Variants in FNDC3B observed in about 807,000 individuals in gnomAD.
FNDC3B encodes the protein fibronectin type III domain-containing protein 3B.
A neutral mutation model predicts 151.5 loss-of-function variants in FNDC3B; 12 were observed. The ratio of observed to expected loss-of-function variants is 0.08; its 90% CI spans 0.05 to 0.13. The LOEUF is 0.13. Ranked by LOEUF, FNDC3B falls within the 10% of genes least tolerant of loss-of-function variation. The pLI is 1.00. For missense variants in FNDC3B, 1,214 were observed against 1,505.3 expected, an observed-to-expected ratio of 0.81 and a Z score of 3.20; for synonymous variants, 528 against 549.0, an observed-to-expected ratio of 0.96 and a Z score of 0.54.
At chr3:172,315,283 A>G (rs551794673) in intron 11 of FNDC3B, among the ~76,000 whole-genome samples, 1 of 152,312 alleles carries the variant, frequency 6.6e-6, no homozygotes, top group African/African-American at 2.4e-5. Flanking sequence ...AGGCTGAGGC[A>G]GGAGAATTGC....
intron 1 of FNDC3B, among the ~76,000 whole-genome samples, chr3:172,111,473 C>T (rs1411354646): frequency 1.3e-5 from 2 of 152,140 alleles, no homozygotes; most frequent in African/African-American, 2.4e-5. Context: ...TGGGATAAGA[C>T]TTCATTTTTT....
intron 3 of FNDC3B, among the ~76,000 whole-genome samples, chr3:172,142,325 T>C (rs371289723): frequency 2.0e-5 from 3 of 152,350 alleles, no homozygotes; most frequent in African/African-American, 7.2e-5. Flanking sequence ...TTCTAACACT[T>C]CAAAATAACA....
intron 3 of FNDC3B, among the ~76,000 whole-genome samples, chr3:172,152,870 G>A (rs1245414260): frequency 6.6e-6 from 1 of 152,170 alleles, no homozygotes; most frequent in African/African-American, 2.4e-5. Context: ...TACGTGAAAT[G>A]TGGTATTGTC....
At chr3:172,205,816 A>T (rs1725394281) in intron 3 of FNDC3B, among the ~76,000 whole-genome samples, 1 of 152,212 alleles carries the variant, frequency 6.6e-6, no homozygotes, top group South Asian at 2.1e-4. Context: ...CACAGAAAGA[A>T]GTTCCACATT....
chr3:172,068,121 A>G (rs1717590810), intron 1 of FNDC3B, among the ~76,000 whole-genome samples: 2 of 151,954 alleles, frequency 1.3e-5, no homozygotes, highest in African/African-American at 4.8e-5. Flanking sequence ...TTTTCAGGGG[A>G]TTCTATTTTG....
chr3:172,206,885 G>T (rs956236342), intron 3 of FNDC3B, among the ~76,000 whole-genome samples: 1 of 152,054 alleles, frequency 6.6e-6, no homozygotes, highest in Admixed American at 6.6e-5. Flanking sequence ...GTTTATTCAG[G>T]TTTCTTCTTT....
chr3:172,185,440 C>T (rs1189641737), intron 3 of FNDC3B, among the ~76,000 whole-genome samples: 1 of 121,636 alleles, frequency 8.2e-6, no homozygotes, highest in Non-Finnish European at 1.7e-5. Flanking sequence ...CACTATAAAC[C>T]AGAGCATTTC....
intron 3 of FNDC3B, among the ~76,000 whole-genome samples, chr3:172,192,464 T>C (rs62281761): frequency 0.068 from 10,388 of 151,982 alleles, 437 homozygotes; most frequent in East Asian, 0.19. Context: ...GGATTACAGG[T>C]GTGAGCCACC....
At chr3:172,053,844 C>T (rs1228018094) in intron 1 of FNDC3B, among the ~76,000 whole-genome samples, 1 of 151,618 alleles carries the variant, frequency 6.6e-6, no homozygotes, top group Non-Finnish European at 1.5e-5. Flanking sequence ...GGGAGATTTT[C>T]CTAGATTGTT....
chr3:172,153,427 CCTTGCTCCAGACTGT>C, intron 3 of FNDC3B, among the ~76,000 whole-genome samples: 1 of 152,268 alleles, frequency 6.6e-6, no homozygotes, highest in South Asian at 2.1e-4. Context: ...CTGCACGCTG[CCTTGCTCCAGACTGT>C]CTTGAATGTG....
At chr3:172,093,193 C>T (rs1048065988) in intron 1 of FNDC3B, among the ~76,000 whole-genome samples, 6 of 151,550 alleles carry the variant, frequency 4.0e-5, no homozygotes, top group Non-Finnish European at 7.4e-5. Context: ...TAGCTTACTA[C>T]CCCTTAAACT....
chr3:172,245,263 C>T (rs1368768045), intron 4 of FNDC3B, among the ~76,000 whole-genome samples: 1 of 152,092 alleles, frequency 6.6e-6, no homozygotes, highest in Non-Finnish European at 1.5e-5. Context: ...AAGTCCAAAG[C>T]GTGCCTCTTA....
At chr3:172,236,544 T>C (rs1018216589) in intron 4 of FNDC3B, among the ~76,000 whole-genome samples, 25 of 152,242 alleles carry the variant, frequency 1.6e-4, no homozygotes, top group African/African-American at 5.8e-4. Flanking sequence ...AGTTAATCAA[T>C]TGCTGTTTTG....
At chr3:172,199,249 G>A (rs1402384290) in intron 3 of FNDC3B, among the ~76,000 whole-genome samples, 3 of 150,752 alleles carry the variant, frequency 2.0e-5, no homozygotes, top group African/African-American at 4.9e-5. Flanking sequence ...GCGCGATCTC[G>A]GCTCTCTGCA....
intron 1 of FNDC3B, among the ~76,000 whole-genome samples, chr3:172,045,891 T>C (rs1716345826): frequency 6.6e-6 from 1 of 151,944 alleles, no homozygotes; most frequent in Non-Finnish European, 1.5e-5. Flanking sequence ...TGTGGCTAGA[T>C]AGGGGCAGGT....
At chr3:172,063,482 T>A (rs932515381) in intron 1 of FNDC3B, among the ~76,000 whole-genome samples, 4 of 152,234 alleles carry the variant, frequency 2.6e-5, no homozygotes, top group Non-Finnish European at 5.9e-5. Flanking sequence ...CTGAGGACAG[T>A]GTCCTCCTCA....
intron 11 of FNDC3B, among the ~76,000 whole-genome samples, chr3:172,322,100 T>G: frequency 6.6e-6 from 1 of 152,250 alleles, no homozygotes. Flanking sequence ...CACTTTCTTA[T>G]GCTTGTGGAC....
chr3:172,106,166 A>T (rs1468590634), intron 1 of FNDC3B, among the ~76,000 whole-genome samples: 2 of 152,208 alleles, frequency 1.3e-5, no homozygotes, highest in African/African-American at 4.8e-5. Context: ...ATGTTACTCC[A>T]TCAACCTTTT....
chr3:172,356,767 T>TC (rs1216239738), intron 22 of FNDC3B, among the ~76,000 whole-genome samples: 5 of 152,178 alleles, frequency 3.3e-5, no homozygotes, highest in Admixed American at 3.3e-4. Flanking sequence ...TGATGATTAT[T>TC]CTCTTCTTTC....
Sources: gnomAD v4.1 joint callset for allele counts (sites outside exome capture counted in the v4.1 genomes callset) on GRCh38, gnomAD v4.1.1 for gene constraint, MANE v1.5 for transcripts, NCBI Gene and HGNC (gene_info 2026-07-23, HGNC 2026-07-21) for gene names.